The following RRP15 variants were observed in gnomAD, a reference collection of about 807,000 sequenced individuals.
RRP15 encodes RRP15-like protein.
In RRP15, 18 loss-of-function variants were observed where a neutral mutation model predicts 27.1. The ratio of observed to expected loss-of-function variants is 0.66; its 90% CI spans 0.46 to 0.98. The LOEUF is 0.98. Ranked by LOEUF, RRP15 falls within the 50% of genes least tolerant of loss-of-function variation. RRP15 has a pLI of 0.00. For missense variants in RRP15, 359 were observed against 337.8 expected (o/e 1.06, Z -0.49); for synonymous variants, 107 against 109.4 (o/e 0.98, Z 0.14).
intron 1 of RRP15, among the ~76,000 whole-genome samples, chr1:218,289,264 A>G (rs894740654): frequency 6.6e-6 from 1 of 152,192 alleles, no homozygotes; most frequent in Admixed American, 6.5e-5. Flanking sequence ...TATTCTAGTA[A>G]CCCTGTAAGG....
At position 218,332,207 on chromosome 1, in the gene RRP15, G is replaced by C. The variant is rs1428377766; in HGVS notation, c.*1116G>C. ...TGAGTTAGCTTAAATTCTTTTTTATGGACTGCCCAACCAGTGAATTGATGC... is the reference window on the plus strand; with the variant it reads ...TGAGTTAGCTTAAATTCTTTTTTATCGACTGCCCAACCAGTGAATTGATGC... On this transcript the variant is annotated 3_prime_UTR_variant, in exon 5 of 5. Transcript: ENST00000366932. 6.6e-6 allele frequency: 1 copy of C among 151,778 alleles called. No individual in the cohort carries two copies. Among genetic ancestry groups the C allele is most frequent in the African/African-American group, 2.4e-5 (1 of 41,314 alleles). The allele number at this position is 151,778 out of a possible 1,614,324, so 9.4% of individuals were successfully genotyped here.
At chr1:218,329,611 TG>T (rs1445197099) in intron 4 of RRP15, among the ~76,000 whole-genome samples, 10 of 152,230 alleles carry the variant, frequency 6.6e-5, no homozygotes, top group African/African-American at 2.2e-4. Flanking sequence ...ATAGCACAGA[TG>T]TTTTTTATTT....
chr1:218,304,995 A>G, intron 2 of RRP15, 33 bp from the exon 3 acceptor site: 1 of 1,568,448 alleles, frequency 6.4e-7, no homozygotes, highest in Non-Finnish European at 8.8e-7. Context: ...GAAATATCTA[A>G]TATTCTTTCA....
chr1:218,306,598 T>G (rs1655902754), intron 3 of RRP15, among the ~76,000 whole-genome samples: 1 of 152,166 alleles, frequency 6.6e-6, no homozygotes, highest in Non-Finnish European at 1.5e-5. Context: ...GCAAGAAAAT[T>G]CATAGATTGC....
chr1:218,311,368 A>C lies in RRP15; in HGVS notation c.705+3736A>C, dbSNP rs550740804. Among the ~76,000 whole-genome samples the C allele has an allele frequency of 7.2e-5, 11 of 152,334 alleles. No individual in the cohort carries two copies. The East Asian group carries it at 1.3e-3, about 19-fold the overall frequency. Reference sequence around the variant, plus strand: ...TACACTAGATTGAATACTAGTATTCAATGTGAATATTGTTCACTGCTGAGC... The same window carrying C: ...TACACTAGATTGAATACTAGTATTCCATGTGAATATTGTTCACTGCTGAGC... On this transcript the variant is annotated intron_variant, in intron 4 of 4. Coordinates refer to ENST00000366932, the MANE Select transcript of RRP15 (RefSeq NM_016052.4).
At chr1:218,291,809 C>T (rs1655646963) in intron 1 of RRP15, among the ~76,000 whole-genome samples, 2 of 151,920 alleles carry the variant, frequency 1.3e-5, no homozygotes, top group African/African-American at 4.8e-5. Flanking sequence ...GGATTACAGG[C>T]GTGAGCCACC....
At chr1:218,314,242 T>TA (rs1170393553) in intron 4 of RRP15, among the ~76,000 whole-genome samples, 1 of 152,146 alleles carries the variant, frequency 6.6e-6, no homozygotes, top group Non-Finnish European at 1.5e-5. Context: ...TAAAGTTTTA[T>TA]AAAAAAATTA....
chr1:218,293,360 C>G (rs990436136), intron 1 of RRP15, among the ~76,000 whole-genome samples: 1 of 152,130 alleles, frequency 6.6e-6, no homozygotes, highest in Non-Finnish European at 1.5e-5. Context: ...ATTTTCTAGT[C>G]AGGTAGTTGT....
chr1:218,330,562 T>C (rs185746853), intron 4 of RRP15, among the ~76,000 whole-genome samples: 127 of 152,310 alleles, frequency 8.3e-4, no homozygotes, highest in African/African-American at 2.9e-3. Flanking sequence ...TGAAATAATT[T>C]GCCCAAAATT....
intron 4 of RRP15, among the ~76,000 whole-genome samples, chr1:218,328,676 A>T (rs1359199628): frequency 1.1e-4 from 17 of 150,990 alleles, no homozygotes; most frequent in South Asian, 6.3e-4. Flanking sequence ...AAAAAAAAAA[A>T]TTTTTTTTTC....
chr1:218,307,235 C>T (rs1655913032), intron 3 of RRP15, among the ~76,000 whole-genome samples, 196 bp from the exon 4 acceptor site: 1 of 152,118 alleles, frequency 6.6e-6, no homozygotes, highest in African/African-American at 2.4e-5. Context: ...AATTTATATT[C>T]ATTCATTGAA....
intron 1 of RRP15, among the ~76,000 whole-genome samples, chr1:218,299,258 G>C (rs1428139448): frequency 6.6e-6 from 1 of 152,042 alleles, no homozygotes; most frequent in Non-Finnish European, 1.5e-5. Flanking sequence ...TTCTGAGATA[G>C]AGCTTCTTTA....
At chr1:218,328,498 T>A (rs925840146) in intron 4 of RRP15, among the ~76,000 whole-genome samples, 1 of 151,932 alleles carries the variant, frequency 6.6e-6, no homozygotes. Context: ...CCATCTCTAC[T>A]AAAAATACAA....
intron 4 of RRP15, among the ~76,000 whole-genome samples, chr1:218,327,810 A>T (rs1238288993): frequency 6.6e-6 from 1 of 152,200 alleles, no homozygotes; most frequent in Non-Finnish European, 1.5e-5. Flanking sequence ...TTTACATTAG[A>T]TTTACAAAAT....
chr1:218,315,018 G>C, intron 4 of RRP15, among the ~76,000 whole-genome samples: 1 of 150,056 alleles, frequency 6.7e-6, no homozygotes, highest in Non-Finnish European at 1.5e-5. Flanking sequence ...AAGAAAGAAA[G>C]TGATTTCCTT....
chr1:218,318,582 G>T (rs1471926216), intron 4 of RRP15, among the ~76,000 whole-genome samples: 1 of 152,034 alleles, frequency 6.6e-6, no homozygotes, highest in African/African-American at 2.4e-5. Context: ...TAGGACTACG[G>T]GCTTGCTGAG....
intron 1 of RRP15, among the ~76,000 whole-genome samples, chr1:218,296,761 C>T (rs1365538926): frequency 1.3e-5 from 2 of 152,032 alleles, no homozygotes; most frequent in Non-Finnish European, 2.9e-5. Flanking sequence ...CATTATTTTA[C>T]AGTACTTTGG....
chr1:218,323,217 A>G (rs1352162975), intron 4 of RRP15, among the ~76,000 whole-genome samples: 1 of 152,036 alleles, frequency 6.6e-6, no homozygotes, highest in Admixed American at 6.5e-5. Flanking sequence ...CAAGGGACAT[A>G]TTTCAGCGCT....
In RRP15 at chr1:218,335,571, TG is replaced by T. The variant is rs1410328208; in HGVS notation, c.*4482del. The T allele has an allele frequency of 3.3e-5, 5 of 152,220 alleles. No individual in the cohort carries two copies. The highest frequency in any genetic ancestry group is 7.3e-5 in the Non-Finnish European group (5 of 68,030). 9.4% of individuals were successfully genotyped at this position (152,220 alleles called of 1,614,324 possible). On this transcript the variant is annotated 3_prime_UTR_variant, in exon 5 of 5. Coordinates refer to ENST00000366932, the MANE Select transcript of RRP15 (RefSeq NM_016052.4). ...AGGTGACTACTGAGCATTTCACGTG[TG>T]GCTTGTGATACAGAGGAACTAAATT...
Sources: allele counts gnomAD v4.1 joint callset (sites outside exome capture counted in the v4.1 genomes callset), GRCh38; gene constraint gnomAD v4.1.1; transcripts MANE v1.5; gene names NCBI Gene and HGNC (gene_info 2026-07-23, HGNC 2026-07-21).